Variants in SSH1 observed in about 807,000 individuals in gnomAD.
SSH1 encodes protein phosphatase Slingshot homolog 1.
In SSH1, 43 loss-of-function variants were observed where a neutral mutation model predicts 79.7. The observed-to-expected ratio is 0.54, with a 90% CI of 0.42 to 0.70. The LOEUF (loss-of-function observed/expected upper bound fraction) is 0.70, where lower values mean the gene tolerates loss of function less well. Ranked by LOEUF, SSH1 falls within the 30% of genes least tolerant of loss-of-function variation. The pLI is 0.00. For synonymous variants in SSH1, 599 were observed against 538.3 expected (o/e 1.11, Z -1.56); for missense variants, 1,206 against 1,358.8 (o/e 0.89, Z 1.77).
intron 13 of SSH1, among the ~76,000 whole-genome samples, chr12:108,793,870 G>A (rs185857413): frequency 3.9e-5 from 6 of 152,178 alleles, no homozygotes; most frequent in African/African-American, 9.7e-5. Flanking sequence ...CTCTCTGCTC[G>A]GTGTGCACAT....
At chr12:108,810,550 G>A (rs2037532003) in intron 6 of SSH1, among the ~76,000 whole-genome samples, 1 of 151,942 alleles carries the variant, frequency 6.6e-6, no homozygotes, top group African/African-American at 2.4e-5. Flanking sequence ...TTAATACAAA[G>A]ATATTAAAAT....
rs1035258705 is a variant in SSH1 at position 108,787,355 on chromosome 12, G to A, written c.*633C>T. 12 of 154,070 alleles carry A rather than the reference G, an allele frequency of 7.8e-5. No homozygotes were observed. The highest frequency in any genetic ancestry group is 1.2e-4 in the African/African-American group (5 of 41,454). The allele number at this position is 154,070 out of a possible 1,614,324, so 9.5% of individuals were successfully genotyped here. On this transcript the variant is annotated 3_prime_UTR_variant, in exon 15 of 15. Coordinates refer to ENST00000326495, the MANE Select transcript of SSH1 (RefSeq NM_018984.4). The stretch of plus-strand genomic sequence containing the variant: ...GGCACAGAGTCAGCTCAACAACAGC[G>A]TGGGACTACTCATCTGATGACTTTA...
intron 1 of SSH1, among the ~76,000 whole-genome samples, chr12:108,854,292 G>A (rs963766538): frequency 6.6e-6 from 1 of 152,180 alleles, no homozygotes; most frequent in Non-Finnish European, 1.5e-5. Flanking sequence ...AGTGGGTTGA[G>A]AAACTCTGGT....
intron 1 of SSH1, among the ~76,000 whole-genome samples, chr12:108,854,215 G>A (rs2039100503): frequency 6.6e-6 from 1 of 152,180 alleles, no homozygotes; most frequent in Non-Finnish European, 1.5e-5. Flanking sequence ...GTGGGTAGAG[G>A]ACAGGATCCC....
intron 9 of SSH1, among the ~76,000 whole-genome samples, chr12:108,805,505 A>G (rs1364849271): frequency 6.6e-6 from 1 of 151,492 alleles, no homozygotes; most frequent in African/African-American, 2.4e-5. Flanking sequence ...ATAATCTAAA[A>G]TCAGTTCTAT....
rs569336293 is a variant in SSH1, at chr12:108,798,699, G to A, written c.1349+301C>T. The stretch of plus-strand genomic sequence containing the variant: ...GGAAGCGAGATGCGCACGTGCTTAC[G>A]CCACACACACGAGGCCAGGCCTTGG... On this transcript the variant is annotated intron_variant, in intron 13 of 14. Coordinates refer to ENST00000326495, the MANE Select transcript of SSH1 (RefSeq NM_018984.4). Among the ~76,000 whole-genome samples, 9 of 152,304 alleles carry A rather than the reference G, an allele frequency of 5.9e-5. No individual in the cohort carries two copies. The South Asian group carries it at 6.2e-4, about 11-fold the overall frequency.
At chr12:108,794,419 C>A (rs2036653904) in intron 13 of SSH1, among the ~76,000 whole-genome samples, 1 of 152,222 alleles carries the variant, frequency 6.6e-6, no homozygotes, top group East Asian at 1.9e-4. Context: ...TCCTGCCGCC[C>A]ACTGGCTGTG....
At position 108,807,513 on chromosome 12, in the gene SSH1, C is replaced by T. The variant is rs1215722231; in HGVS notation, c.731+120G>A. 1 of 918,868 alleles carries T rather than the reference C, an allele frequency of 1.1e-6. No individual in the cohort carries two copies. The highest frequency in any genetic ancestry group is 1.6e-5 in the African/African-American group (1 of 61,246). The allele number at this position is 918,868 out of a possible 1,614,324, so 56.9% of individuals were successfully genotyped here. On this transcript the variant is annotated intron_variant, in intron 8 of 14. Coordinates refer to ENST00000326495, the MANE Select transcript of SSH1 (RefSeq NM_018984.4). This position sits in a 1 kb window ranked among gnomAD's most constrained non-coding sequence, Gnocchi z 5.2. ...GGTTCTGAGAAAGCTAGGGTTCTCA[C>T]TCAAGGGACTCCAGGGGAGGTGTGG...
chr12:108,780,679 C>A lies in SSH1; in HGVS notation c.*7309G>T, dbSNP rs17258759. 0.28 allele frequency: 42,520 copies of A among 152,052 alleles called. 6,323 individuals are homozygous for A. Among genetic ancestry groups the A allele is most frequent in the South Asian group, 0.42 (2,032 of 4,822 alleles). 9.4% of individuals were successfully genotyped at this position (152,052 alleles called of 1,614,324 possible). A position where few individuals can be genotyped will look rare whatever the true frequency, so the allele number is the denominator to read the frequency against. On this transcript the variant is annotated 3_prime_UTR_variant, in exon 15 of 15. Coordinates refer to ENST00000326495, the MANE Select transcript of SSH1 (RefSeq NM_018984.4). Reference sequence around the variant, plus strand: ...CAGAGAACAGTGTCTTGAACCATGACCCTCAGTGATTTGTTTTTAAAACAT... The same window carrying A: ...CAGAGAACAGTGTCTTGAACCATGAACCTCAGTGATTTGTTTTTAAAACAT...
At position 108,790,153 on chromosome 12, in the gene SSH1, GT is replaced by G. The variant is rs34383501; in HGVS notation, c.1894-910del. On this transcript the variant is annotated intron_variant, in intron 14 of 14. Transcript: ENST00000326495. ...CTTAAAGGCCCCGCCATGGCTTCCA[GT>G]TTTTTTTTTTTTTTAAATGAAGTTT... Among the ~76,000 whole-genome samples the G allele has an allele frequency of 5.4e-3, 773 of 143,480 alleles. 8 individuals are homozygous for G. The highest frequency in any genetic ancestry group is 0.015 in the African/African-American group (578 of 39,012). 94.1% of individuals were successfully genotyped at this position (143,480 alleles called of 152,430 possible). A position where few individuals can be genotyped will look rare whatever the true frequency, so the allele number is the denominator to read the frequency against.
chr12:108,788,106 T>C lies in SSH1; in HGVS notation c.3032A>G (p.Glu1011Gly). ...CTGGGGCTCATGCAAGAAGGAAGAT[T>C]CACTCAAAGTGGTGTCCTGGGAGTC... ...VADSQDTTLSESSFLHEPQGT... is the reference protein window; with the variant it reads ...VADSQDTTLSGSSFLHEPQGT... Residue 1011 changes from glutamate to glycine, a missense_variant, in exon 15 of 15, where the codon GAA becomes GGA. Glu to Gly is a moderately conservative substitution (Grantham distance 98, BLOSUM62 -2). This residue lies in a region of SSH1 where 709 missense variants were observed against 730.6 expected (regional missense o/e 0.97). Transcript: ENST00000326495. 5.6e-6 allele frequency: 9 copies of C among 1,614,002 alleles called. No homozygotes were observed. The highest frequency in any genetic ancestry group is 7.6e-6 in the Non-Finnish European group (9 of 1,179,996).
intron 2 of SSH1, 47 bp downstream of exon 2, chr12:108,852,591 C>T (rs1298569047): frequency 6.2e-7 from 1 of 1,611,006 alleles, no homozygotes; most frequent in South Asian, 1.1e-5. Flanking sequence ...GCATTCCTTA[C>T]CTGCTTGGGA....
intron 2 of SSH1, among the ~76,000 whole-genome samples, chr12:108,831,107 T>C (rs1392716508): frequency 6.6e-6 from 1 of 152,172 alleles, no homozygotes; most frequent in East Asian, 1.9e-4. Context: ...GGATTTCTGA[T>C]GCTGTATCTC....
chr12:108,788,392 G>GA lies in SSH1; in HGVS notation c.2745dup (p.Leu916SerfsTer25). The GA allele has an allele frequency of 6.2e-7, 1 of 1,611,858 alleles. No homozygotes were observed. Among genetic ancestry groups the GA allele is most frequent in the Non-Finnish European group, 8.5e-7 (1 of 1,179,402 alleles). ...GTGGGGGTGTAGCAGATGGTCTTCA[G>GA]AAAGTCTTTTGAGAAACTACTGGTG... On this transcript the variant is annotated frameshift_variant, in exon 15 of 15. Coordinates refer to ENST00000326495, the MANE Select transcript of SSH1 (RefSeq NM_018984.4). LOFTEE classifies it low-confidence loss of function (END_TRUNC).
chr12:108,796,906 C>T (rs1468566601), intron 13 of SSH1, among the ~76,000 whole-genome samples: 1 of 152,034 alleles, frequency 6.6e-6, no homozygotes, highest in Non-Finnish European at 1.5e-5. Context: ...CCACACCCAG[C>T]TAATTTTGTA....
chr12:108,803,499 C>T (rs1029743806), intron 10 of SSH1, among the ~76,000 whole-genome samples: 3 of 152,232 alleles, frequency 2.0e-5, no homozygotes, highest in African/African-American at 7.2e-5. Context: ...GGGCAGACCC[C>T]TCAGGACCAG....
chr12:108,813,621 G>T (rs1303891956), intron 5 of SSH1, among the ~76,000 whole-genome samples: 1 of 151,148 alleles, frequency 6.6e-6, no homozygotes, highest in African/African-American at 2.4e-5. Flanking sequence ...GCTGAGGTAG[G>T]AGAAATGATT....
Position 108,779,148 on chromosome 12 carries a change from G to C in SSH1, c.*8840C>G, listed in dbSNP as rs1056158230. The C allele has an allele frequency of 6.6e-6, 1 of 152,180 alleles. No individual in the cohort carries two copies. The highest frequency in any genetic ancestry group is 2.4e-5 in the African/African-American group (1 of 41,432). 9.4% of individuals were successfully genotyped at this position (152,180 alleles called of 1,614,324 possible). ...TGCTGGAGCATCCTCTCCTAGGCTG[G>C]GAGGTTGCTAATGTAAATGCCACAC... is the stretch of plus-strand genomic sequence containing the variant. On this transcript the variant is annotated 3_prime_UTR_variant, in exon 15 of 15. Transcript: ENST00000326495.
At chr12:108,846,977 G>A (rs1342093178) in intron 2 of SSH1, among the ~76,000 whole-genome samples, 1 of 152,000 alleles carries the variant, frequency 6.6e-6, no homozygotes, top group Non-Finnish European at 1.5e-5. Context: ...GCTCACTGCA[G>A]TCTCGACCTC....
Sources: allele counts gnomAD v4.1 joint callset (sites outside exome capture counted in the v4.1 genomes callset), GRCh38; gene constraint gnomAD v4.1.1; regional missense constraint gnomAD v4.1.1; non-coding constraint Gnocchi (gnomAD v3.1); transcripts MANE v1.5; gene names NCBI Gene and HGNC (gene_info 2026-07-23, HGNC 2026-07-21).